LRRC4C: variants seen among roughly 807,000 people sequenced by gnomAD.
LRRC4C encodes the protein leucine rich repeat containing 4C.
LRRC4C carries 5 observed loss-of-function variants against 33.6 expected under a neutral mutation model. That is an observed-to-expected ratio of 0.15 (90% CI 0.08 to 0.31). LRRC4C has a LOEUF of 0.31. LRRC4C is among the 10% of genes least tolerant of loss of function. The pLI is 1.00. For missense variants in LRRC4C, 560 were observed against 796.7 expected (o/e 0.70, Z 3.58); for synonymous variants, 329 against 302.0 (o/e 1.09, Z -0.93).
At chr11:40,298,561 A>G in intron 4 of LRRC4C, among the ~76,000 whole-genome samples, 1 of 151,792 alleles carries the variant, frequency 6.6e-6, no homozygotes, top group African/African-American at 2.4e-5. Context: ...GAATAGTATC[A>G]GCTAACTTCC....
chr11:40,352,034 T>A (rs1470233924), intron 3 of LRRC4C, among the ~76,000 whole-genome samples: 1 of 152,114 alleles, frequency 6.6e-6, no homozygotes, highest in African/African-American at 2.4e-5. Flanking sequence ...TTATTATTGA[T>A]AAATAAAGAC....
intron 4 of LRRC4C, among the ~76,000 whole-genome samples, chr11:40,256,844 T>C (rs1867248968): frequency 5.3e-5 from 8 of 152,190 alleles, no homozygotes; most frequent in Admixed American, 5.2e-4. Flanking sequence ...CAGAAATTCA[T>C]TTTCTTTAGA....
At chr11:41,035,406 A>G (rs192760301) in intron 1 of LRRC4C, among the ~76,000 whole-genome samples, 4 of 151,898 alleles carry the variant, frequency 2.6e-5, no homozygotes, top group Admixed American at 2.0e-4. Flanking sequence ...ACAGGCCCCA[A>G]TGTGTGTTGT....
At chr11:41,028,862 G>A (rs73468564) in intron 1 of LRRC4C, among the ~76,000 whole-genome samples, 1 of 151,604 alleles carries the variant, frequency 6.6e-6, no homozygotes, top group African/African-American at 2.4e-5. Context: ...TATTTTATGG[G>A]ATGAAGAAGA....
chr11:40,789,047 C>T (rs563145185), intron 2 of LRRC4C, among the ~76,000 whole-genome samples: 2 of 142,072 alleles, frequency 1.4e-5, no homozygotes, highest in Admixed American at 7.4e-5. Flanking sequence ...GAGCCGAGAT[C>T]GCGCCACTGC....
At chr11:41,071,913 C>T (rs1281421833) in intron 1 of LRRC4C, among the ~76,000 whole-genome samples, 1 of 152,110 alleles carries the variant, frequency 6.6e-6, no homozygotes. Flanking sequence ...GGTTTCAAGA[C>T]TTTAGTGGAG....
chr11:41,123,256 GTTTTGTTTTTT>G (rs370064837), intron 1 of LRRC4C, among the ~76,000 whole-genome samples: 18,608 of 106,300 alleles, frequency 0.18, 2,455 homozygotes, highest in Non-Finnish European at 0.21. Flanking sequence ...CCTGAGCTAT[GTTTTGTTTTTT>G]TTTTTTTTTT....
At chr11:41,083,400 T>C (rs11036223) in intron 1 of LRRC4C, among the ~76,000 whole-genome samples, 12,087 of 152,118 alleles carry the variant, frequency 0.079, 611 homozygotes, top group East Asian at 0.21. Flanking sequence ...GCAGATAAAA[T>C]GTGATTAAGA....
At chr11:40,562,339 C>G (rs1957582481) in intron 3 of LRRC4C, among the ~76,000 whole-genome samples, 1 of 151,752 alleles carries the variant, frequency 6.6e-6, no homozygotes, top group Admixed American at 6.6e-5. Flanking sequence ...AATATTATTC[C>G]CAACTTAAAA....
chr11:41,325,580 TG>T (rs1565583033), intron 1 of LRRC4C, among the ~76,000 whole-genome samples: 960 of 45,134 alleles, frequency 0.021, 18 homozygotes, highest in Non-Finnish European at 0.037. Flanking sequence ...TTTTTTTTTG[TG>T]TGTGTGTGTG....
intron 4 of LRRC4C, chr11:40,293,347 A>AC (rs1346750370): frequency 1.1e-4 from 15 of 132,342 alleles, no homozygotes; most frequent in African/African-American, 4.3e-4. Context: ...CCCCGCCCCC[A>AC]CCCCCAGCAC....
chr11:40,545,913 A>T (rs1324857202), intron 3 of LRRC4C, among the ~76,000 whole-genome samples: 1 of 152,060 alleles, frequency 6.6e-6, no homozygotes, highest in East Asian at 1.9e-4. Context: ...GTACAGACAC[A>T]TTGGAAAATG....
At chr11:40,359,330 G>T (rs920055168) in intron 3 of LRRC4C, among the ~76,000 whole-genome samples, 4 of 152,172 alleles carry the variant, frequency 2.6e-5, no homozygotes, top group African/African-American at 9.7e-5. Context: ...AGAAGTGCAT[G>T]TCATATTCTG....
At chr11:41,203,752 C>T (rs1338634980) in intron 1 of LRRC4C, among the ~76,000 whole-genome samples, 4 of 152,242 alleles carry the variant, frequency 2.6e-5, no homozygotes, top group African/African-American at 9.6e-5. Flanking sequence ...AATATATAGA[C>T]AGTCTTTAGA....
chr11:40,884,191 G>T (rs577780372), intron 2 of LRRC4C, among the ~76,000 whole-genome samples: 2 of 152,036 alleles, frequency 1.3e-5, no homozygotes, highest in African/African-American at 4.8e-5. Flanking sequence ...GTATTAGTTT[G>T]CCCAGGATGA....
intron 1 of LRRC4C, among the ~76,000 whole-genome samples, chr11:41,320,782 G>A (rs1327125743): frequency 6.6e-6 from 1 of 152,104 alleles, no homozygotes; most frequent in Non-Finnish European, 1.5e-5. Context: ...CTCTGCTCAG[G>A]AGCTCACACT....
chr11:40,164,512 C>G (rs1017976659), intron 5 of LRRC4C, among the ~76,000 whole-genome samples: 5 of 152,182 alleles, frequency 3.3e-5, no homozygotes, highest in Admixed American at 2.0e-4. Context: ...GCAGGGATTA[C>G]AGGTGTGAGC....
intron 1 of LRRC4C, among the ~76,000 whole-genome samples, chr11:40,984,356 GAAAGAAA>G (rs1214935954): frequency 4.7e-5 from 4 of 84,506 alleles, no homozygotes; most frequent in Admixed American, 1.3e-4. Context: ...GAAAGAGAAA[GAAAGAAA>G]AAAGAAAGAA....
At chr11:40,541,520 C>T (rs755690898) in intron 3 of LRRC4C, among the ~76,000 whole-genome samples, 5 of 152,132 alleles carry the variant, frequency 3.3e-5, no homozygotes, top group Admixed American at 6.6e-5. Flanking sequence ...CATGTATCAT[C>T]CTGAACTGGA....
Sources: gnomAD v4.1 joint callset for allele counts (sites outside exome capture counted in the v4.1 genomes callset) on GRCh38, gnomAD v4.1.1 for gene constraint, MANE v1.5 for transcripts, NCBI Gene and HGNC (gene_info 2026-07-23, HGNC 2026-07-21) for gene names.